Variants in WDSUB1 observed in about 807,000 individuals in gnomAD.
WDSUB1 encodes the protein WD repeat, sterile alpha motif and U-box domain containing 1.
WDSUB1 carries 49 observed loss-of-function variants against 53.9 expected under a neutral mutation model. The observed-to-expected ratio is 0.91, with a 90% CI of 0.72 to 1.15. WDSUB1 has a LOEUF of 1.15. WDSUB1 is among the 50% of genes most tolerant of loss of function. The pLI is 0.00. For missense variants in WDSUB1, 514 were observed against 562.0 expected, an observed-to-expected ratio of 0.91 and a Z score of 0.86; for synonymous variants, 194 against 200.6, an observed-to-expected ratio of 0.97 and a Z score of 0.28.
chr2:159,285,073 A>G (rs948735587), intron 1 of WDSUB1, among the ~76,000 whole-genome samples: 2 of 152,222 alleles, frequency 1.3e-5, no homozygotes, highest in Non-Finnish European at 2.9e-5. Flanking sequence ...TCCTCCGACT[A>G]GGATGTAAAT....
At chr2:159,282,634 C>G (rs745563615) in intron 2 of WDSUB1, 38 bp downstream of exon 2, 2 of 1,572,252 alleles carry the variant, frequency 1.3e-6, no homozygotes, top group Non-Finnish European at 8.7e-7. Flanking sequence ...TACACCTAGT[C>G]AACAGGATTA....
chr2:159,241,232 C>T (rs1486277237), intron 10 of WDSUB1, among the ~76,000 whole-genome samples: 2 of 152,222 alleles, frequency 1.3e-5, no homozygotes, highest in Admixed American at 1.3e-4. Context: ...CATTTCTACT[C>T]TTTAGCCCCA....
intron 10 of WDSUB1, among the ~76,000 whole-genome samples, chr2:159,245,687 A>C (rs942703551): frequency 2.0e-5 from 3 of 152,200 alleles, no homozygotes; most frequent in African/African-American, 7.2e-5. Context: ...ATGATTTCTC[A>C]ATAAGTGATG....
chr2:159,282,830 T>C lies in WDSUB1; in HGVS notation c.240A>G (p.Leu80=), dbSNP rs977586019. 7.4e-6 allele frequency: 12 copies of C among 1,614,102 alleles called. No individual in the cohort carries two copies. The highest frequency in any genetic ancestry group is 1.3e-5 in the African/African-American group (1 of 74,940). Reference sequence around the variant, plus strand: ...GCATCTGTCCATTTTCAGTATTCCATAGGACAGTGGTACCATCTGTTGAAC... The same window carrying C: ...GCATCTGTCCATTTTCAGTATTCCACAGGACAGTGGTACCATCTGTTGAAC... ...ASCSTDGTTV[L]WNTENGQMLA... is the part of the protein sequence containing the mutation. The change falls in exon 2 of 11, where the codon CTA becomes CTG. Residue 80 remains leucine (L), a synonymous_variant. Transcript: ENST00000359774.
intron 9 of WDSUB1, among the ~76,000 whole-genome samples, chr2:159,251,773 C>A (rs1364815760): frequency 1.3e-5 from 2 of 152,144 alleles, no homozygotes; most frequent in East Asian, 3.8e-4. Flanking sequence ...CACTAATAAC[C>A]ATCAAATATA....
chr2:159,265,093 AAAAAAAT>A (rs1189563772), intron 5 of WDSUB1, among the ~76,000 whole-genome samples: 1 of 146,656 alleles, frequency 6.8e-6, no homozygotes, highest in African/African-American at 2.7e-5. Context: ...TCAAAAAAAA[AAAAAAAT>A]AAAACAACAA....
intron 5 of WDSUB1, among the ~76,000 whole-genome samples, chr2:159,260,753 C>G (rs73967290): frequency 0.028 from 4,339 of 152,270 alleles, 196 homozygotes; most frequent in African/African-American, 0.094. Flanking sequence ...AAATATGCCT[C>G]TATCTGGCAT....
intron 5 of WDSUB1, among the ~76,000 whole-genome samples, chr2:159,262,849 C>T (rs6710169): frequency 0.04 from 6,117 of 152,192 alleles, 395 homozygotes; most frequent in African/African-American, 0.14. Flanking sequence ...AACCACTAAA[C>T]AAAAAATCCA....
In WDSUB1 at chr2:159,257,841, G is replaced by A. The variant is rs1447469281; in HGVS notation, c.869C>T (p.Ala290Val). 6.2e-7 allele frequency: 1 copy of A among 1,614,144 alleles called. No individual in the cohort carries two copies. The highest frequency in any genetic ancestry group is 8.5e-7 in the Non-Finnish European group (1 of 1,179,986). ...HTRYVTTCAFAPNTLLLATGS... is the reference protein window; with the variant it reads ...HTRYVTTCAFVPNTLLLATGS... ...AGTAGCAAGTAAAAGGGTATTAGGT[G>A]CAAAAGCACAAGTTGTGACATACCT... The change falls in exon 8 of 11, where the codon GCA (alanine) becomes GTA (valine). Residue 290 changes from alanine to valine, a missense_variant. By Grantham distance (64) the Ala-to-Val change is moderately conservative. Transcript: ENST00000359774.
chr2:159,244,104 G>A (rs753432737), intron 10 of WDSUB1, among the ~76,000 whole-genome samples: 1 of 152,152 alleles, frequency 6.6e-6, no homozygotes, highest in Non-Finnish European at 1.5e-5. Context: ...AACTTGATAA[G>A]GGGAGCTAAT....
rs1202671541 is a variant in WDSUB1 at position 159,239,085 on chromosome 2, T to C, written c.1274-2895A>G. On this transcript the variant is annotated intron_variant, in intron 10 of 10. Coordinates refer to ENST00000359774, the MANE Select transcript of WDSUB1 (RefSeq NM_001128212.3). Reference sequence around the variant, plus strand: ...GACATGACGGTAGCTCACTGCAGCCTCGACCTCCCAGGCTCAAGCAATCCT... The same window carrying C: ...GACATGACGGTAGCTCACTGCAGCCCCGACCTCCCAGGCTCAAGCAATCCT... Among the ~76,000 whole-genome samples, 4 of 152,184 alleles carry C rather than the reference T, an allele frequency of 2.6e-5. No individual in the cohort carries two copies. In the East Asian group the frequency reaches 7.7e-4, roughly 29 times the overall value.
intron 5 of WDSUB1, among the ~76,000 whole-genome samples, chr2:159,260,940 C>A (rs548157997): frequency 1.3e-5 from 2 of 152,296 alleles, no homozygotes; most frequent in South Asian, 4.1e-4. Context: ...ATTCCTTGTT[C>A]AGTAGACCCT....
intron 9 of WDSUB1, among the ~76,000 whole-genome samples, chr2:159,254,086 C>T (rs934848234): frequency 5.9e-5 from 9 of 152,184 alleles, no homozygotes; most frequent in African/African-American, 9.7e-5. Flanking sequence ...TTTTCAAATT[C>T]ACCTATTAGA....
At chr2:159,247,910 A>ATATAAATATATATATATATATAT (rs2060846247) in intron 10 of WDSUB1, among the ~76,000 whole-genome samples, 1 of 17,682 alleles carries the variant, frequency 5.7e-5, no homozygotes, top group Non-Finnish European at 1.3e-4. Flanking sequence ...TATATATATA[A>ATATAAATATATATATATATATAT]ATATATATAT....
chr2:159,270,842 T>TACAC (rs35573661), intron 5 of WDSUB1, among the ~76,000 whole-genome samples: 50 of 151,168 alleles, frequency 3.3e-4, no homozygotes, highest in African/African-American at 9.5e-4. Context: ...AATATAAAAA[T>TACAC]ACACACACAC....
At chr2:159,246,055 A>G (rs543234482) in intron 10 of WDSUB1, among the ~76,000 whole-genome samples, 19 of 152,326 alleles carry the variant, frequency 1.2e-4, no homozygotes, top group African/African-American at 4.3e-4. Flanking sequence ...GAAGATATAA[A>G]TTACAGAAAT....
At chr2:159,247,141 C>T (rs944592004) in intron 10 of WDSUB1, among the ~76,000 whole-genome samples, 1 of 152,130 alleles carries the variant, frequency 6.6e-6, no homozygotes, top group African/African-American at 2.4e-5. Context: ...GCAGCCACTG[C>T]TATACTCATA....
chr2:159,285,641 G>A (rs2061777173), intron 1 of WDSUB1, among the ~76,000 whole-genome samples: 2 of 152,148 alleles, frequency 1.3e-5, no homozygotes, highest in Non-Finnish European at 2.9e-5. Flanking sequence ...CGGAGGTGAC[G>A]CCGGCGGTGA....
At position 159,248,354 on chromosome 2, in the gene WDSUB1, G is replaced by A. The variant is rs2060867503; in HGVS notation, c.1273+18C>T. 1.9e-6 allele frequency: 3 copies of A among 1,607,760 alleles called. No individual in the cohort carries two copies. The highest frequency in any genetic ancestry group is 2.2e-5 in the South Asian group (2 of 90,148). ...AGCACAAAACATCCCCTGCAACTTAGTATAGCATCACACATACCTGATGCG... is the reference window on the plus strand; with the variant it reads ...AGCACAAAACATCCCCTGCAACTTAATATAGCATCACACATACCTGATGCG... On this transcript the variant is annotated intron_variant, in intron 10 of 10. Coordinates refer to ENST00000359774, the MANE Select transcript of WDSUB1 (RefSeq NM_001128212.3).
Sources: gnomAD v4.1 joint callset for allele counts (sites outside exome capture counted in the v4.1 genomes callset) on GRCh38, gnomAD v4.1.1 for gene constraint, MANE v1.5 for transcripts, NCBI Gene and HGNC (gene_info 2026-07-23, HGNC 2026-07-21) for gene names.